Variants in KLRG1 observed in about 807,000 individuals in gnomAD.
KLRG1 encodes killer cell lectin-like receptor subfamily G member 1.
In KLRG1, 16 loss-of-function variants were observed where a neutral mutation model predicts 21.8. The observed-to-expected ratio is 0.73, with a 90% CI of 0.50 to 1.11. KLRG1 has a LOEUF of 1.11. Ranked by LOEUF, KLRG1 falls within the 50% of genes most tolerant of loss-of-function variation. KLRG1 has a pLI of 0.00. For synonymous variants in KLRG1, 69 were observed against 75.9 expected (o/e 0.91, Z 0.47); for missense variants, 173 against 218.3 (o/e 0.79, Z 1.31).
the KLRG1 span, chr12:9,149,009 A>C: frequency 6.2e-7 from 1 of 1,609,390 alleles, no homozygotes; most frequent in Admixed American, 1.7e-5. Context: ...GGAGAAAAGA[A>C]AAACGTAAGG....
chr12:9,090,328 G>C, the KLRG1 span: 530,048 of 1,613,016 alleles, frequency 0.33, 90,957 homozygotes, highest in Admixed American at 0.38. Flanking sequence ...TTTGAGTAGA[G>C]AATTATCTCT....
the KLRG1 span, among the ~76,000 whole-genome samples, chr12:9,185,299 C>T: frequency 2.0e-5 from 3 of 152,164 alleles, no homozygotes; most frequent in South Asian, 6.2e-4. Context: ...CAAGTATTAA[C>T]AGCAGAACAG....
At chr12:9,095,118 T>C in the KLRG1 span, 6 of 1,126,794 alleles carry the variant, frequency 5.3e-6, no homozygotes, top group Non-Finnish European at 6.3e-6. Flanking sequence ...TCAGTAAATA[T>C]ATATTATAAA....
chr12:9,052,808 A>G, the KLRG1 span: 1 of 453,444 alleles, frequency 2.2e-6, no homozygotes, highest in South Asian at 1.6e-5. Context: ...TAGTATCTAC[A>G]TCATAATGTG....
At chr12:9,050,539 A>G in the KLRG1 span, among the ~76,000 whole-genome samples, 1 of 152,120 alleles carries the variant, frequency 6.6e-6, no homozygotes, top group African/African-American at 2.4e-5. Context: ...TTCCTGCTCT[A>G]TGAAGCAGGC....
the KLRG1 span, among the ~76,000 whole-genome samples, chr12:9,133,996 T>C: frequency 1.3e-5 from 2 of 152,138 alleles, no homozygotes; most frequent in African/African-American, 2.4e-5. Flanking sequence ...AAAGTGTTAT[T>C]TTACAGAAAT....
the KLRG1 span, among the ~76,000 whole-genome samples, chr12:9,020,496 A>G: frequency 1.3e-5 from 2 of 152,304 alleles, no homozygotes; most frequent in African/African-American, 4.8e-5. Flanking sequence ...TTTACAGTAC[A>G]TAGAGTTTTA....
intron 1 of KLRG1, among the ~76,000 whole-genome samples, chr12:8,969,440 C>T (rs1317222827): frequency 6.6e-6 from 1 of 152,038 alleles, no homozygotes; most frequent in East Asian, 1.9e-4. Context: ...TGAGGGCATT[C>T]CAGCTCTGAG....
At chr12:9,061,850 A>G in the KLRG1 span, among the ~76,000 whole-genome samples, 3 of 152,116 alleles carry the variant, frequency 2.0e-5, no homozygotes, top group Non-Finnish European at 4.4e-5. Flanking sequence ...TGAATTTACT[A>G]CTGAAGAGTT....
At position 9,009,077 on chromosome 12, in the gene KLRG1, T is replaced by TA. The variant is rs903479961; in HGVS notation, c.458+4dup. 1.2e-5 allele frequency: 20 copies of TA among 1,603,900 alleles called. No individual in the cohort carries two copies. The African/African-American group carries it at 2.6e-4, about 21-fold the overall frequency. On this transcript the variant is annotated splice_region_variant and intron_variant, in intron 4 of 4. Transcript: ENST00000356986. The stretch of plus-strand genomic sequence containing the variant: ...TGGATCACCTCTAAACTTCTCAAGG[T>TA]AAGGGGCTTCAAAGGAATGCAAAAA...
At chr12:8,993,445 C>T (rs759949427) in intron 2 of KLRG1, among the ~76,000 whole-genome samples, 2 of 152,112 alleles carry the variant, frequency 1.3e-5, no homozygotes, top group South Asian at 2.1e-4. Context: ...CCTGCCACCA[C>T]GCCCAGCTAA....
At chr12:9,155,513 T>G in the KLRG1 span, among the ~76,000 whole-genome samples, 5 of 151,306 alleles carry the variant, frequency 3.3e-5, no homozygotes, top group Admixed American at 6.6e-5. Context: ...TGTTGTTGTT[T>G]TTGTACTCCA....
chr12:9,074,948 T>C, the KLRG1 span, among the ~76,000 whole-genome samples: 1 of 152,242 alleles, frequency 6.6e-6, no homozygotes, highest in African/African-American at 2.4e-5. Context: ...TGGTGTGTTT[T>C]AGCCCAGCTA....
chr12:9,172,349 G>A, the KLRG1 span, among the ~76,000 whole-genome samples: 3 of 152,092 alleles, frequency 2.0e-5, no homozygotes, highest in Admixed American at 6.5e-5. Context: ...AAAGCACTAC[G>A]TTTGGAAAAG....
In KLRG1 at chr12:8,992,098, G is replaced by A. The variant is rs1592264302; in HGVS notation, c.83-108G>A. Reference sequence around the variant, plus strand: ...AGGAATCTTTATGGCCTGGATCTCAGTTCCCACTAGGCCAAATTGCTTTAA... The same window carrying A: ...AGGAATCTTTATGGCCTGGATCTCAATTCCCACTAGGCCAAATTGCTTTAA... On this transcript the variant is annotated intron_variant, in intron 1 of 4. Coordinates refer to ENST00000356986, the MANE Select transcript of KLRG1 (RefSeq NM_005810.4). 7.2e-6 allele frequency: 6 copies of A among 839,006 alleles called. No homozygotes were observed. In the South Asian group the frequency reaches 1.1e-4, roughly 15 times the overall value. 52.0% of individuals were successfully genotyped at this position (839,006 alleles called of 1,614,324 possible). A position where few individuals can be genotyped will look rare whatever the true frequency, so the allele number is the denominator to read the frequency against.
At chr12:9,174,662 C>A in the KLRG1 span, among the ~76,000 whole-genome samples, 12,453 of 152,022 alleles carry the variant, frequency 0.082, 694 homozygotes, top group African/African-American at 0.16. Context: ...TTCTATACAC[C>A]AACAACAGGC....
chr12:8,995,650 C>T lies in KLRG1; in HGVS notation c.357+362C>T, dbSNP rs145286752. ...GTCTAGTTAAAAGAAGTCTTAGGTC[C>T]GGAAACCTACAGGTCCAACAACAAG... On this transcript the variant is annotated intron_variant, in intron 3 of 4. Coordinates refer to ENST00000356986, the MANE Select transcript of KLRG1 (RefSeq NM_005810.4). Among the ~76,000 whole-genome samples, 27 of 150,686 alleles carry T rather than the reference C, an allele frequency of 1.8e-4. 1 individual carries two copies. In the East Asian group the frequency reaches 4.9e-3, roughly 27 times the overall value.
chr12:9,152,836 G>A, the KLRG1 span: 3 of 1,613,978 alleles, frequency 1.9e-6, no homozygotes, highest in East Asian at 2.2e-5. Context: ...GATGGTCAGT[G>A]AGATCTGAAA....
At chr12:9,170,383 A>T in the KLRG1 span, among the ~76,000 whole-genome samples, 1 of 152,180 alleles carries the variant, frequency 6.6e-6, no homozygotes, top group Non-Finnish European at 1.5e-5. This position sits in a 1 kb window ranked among gnomAD's most constrained non-coding sequence, Gnocchi z 4.6. Context: ...GGCACACAGA[A>T]ACCCTGGAGT....
Sources: gnomAD v4.1 joint callset for allele counts (sites outside exome capture counted in the v4.1 genomes callset) on GRCh38, gnomAD v4.1.1 for gene constraint, Gnocchi (gnomAD v3.1) non-coding constraint, MANE v1.5 for transcripts, NCBI Gene and HGNC (gene_info 2026-07-23, HGNC 2026-07-21) for gene names.